The following RAB9B variants were observed in gnomAD, a reference collection of about 807,000 sequenced individuals.
The protein encoded by RAB9B is ras-related protein Rab-9B.
A neutral mutation model predicts 8.9 loss-of-function variants in RAB9B; 1 was observed. The ratio of observed to expected loss-of-function variants is 0.11; its 90% CI spans 0.04 to 0.53. The LOEUF (loss-of-function observed/expected upper bound fraction) is 0.53. Ranked by LOEUF, RAB9B falls within the 20% of genes least tolerant of loss-of-function variation. The probability of loss-of-function intolerance (pLI) is 0.93; values close to 1 mark genes in which losing one functional copy is unlikely to be tolerated. For missense variants in RAB9B, 82 were observed against 152.9 expected (o/e 0.54, Z 2.45); for synonymous variants, 63 against 57.0 (o/e 1.10, Z -0.47).
At chrX:103,785,506 G>A in the RAB9B span, 1 of 897,844 alleles carries the variant, frequency 1.1e-6, no homozygotes, top group African/African-American at 1.9e-5. Context: ...TGTGAGCACA[G>A]GGCCTGGCAG....
chrX:103,794,386 GCA>G, the RAB9B span, among the ~76,000 whole-genome samples: 5 of 111,858 alleles, frequency 4.5e-5, no homozygotes, highest in African/African-American at 6.5e-5. Context: ...CAGCATTTAT[GCA>G]CACACTGGCT....
chrX:103,804,175 A>G, the RAB9B span, among the ~76,000 whole-genome samples: 11 of 112,038 alleles, frequency 9.8e-5, no homozygotes, highest in East Asian at 3.1e-3. Flanking sequence ...ATTTTTGTTT[A>G]TACTGTGAGG....
At chrX:103,796,901 C>T in the RAB9B span, among the ~76,000 whole-genome samples, 3 of 100,095 alleles carry the variant, frequency 3.0e-5, no homozygotes, top group Admixed American at 3.3e-4. Context: ...GTACCTAGTG[C>T]CTGTAGTCCC....
the RAB9B span, chrX:103,787,731 C>G: frequency 1.0e-6 from 1 of 957,477 alleles, no homozygotes; most frequent in East Asian, 3.1e-5. Flanking sequence ...TCCAGGATCT[C>G]CCAGTTTGTG....
the RAB9B span, among the ~76,000 whole-genome samples, chrX:103,815,836 G>A: frequency 9.0e-6 from 1 of 111,595 alleles, no homozygotes; most frequent in Non-Finnish European, 1.9e-5. Context: ...ATTCACCATT[G>A]CTACAAAGAG....
the RAB9B span, among the ~76,000 whole-genome samples, chrX:103,798,194 A>G: frequency 1.8e-5 from 2 of 112,533 alleles, no homozygotes; most frequent in African/African-American, 6.5e-5. Context: ...TTGACATTAT[A>G]TTCATGTACT....
chrX:103,806,815 G>A, the RAB9B span, among the ~76,000 whole-genome samples: 1 of 103,524 alleles, frequency 9.7e-6, no homozygotes, highest in Non-Finnish European at 2.0e-5. Context: ...TTTGAAGGTT[G>A]TTCAACTTGT....
At chrX:103,806,847 T>G in the RAB9B span, among the ~76,000 whole-genome samples, 1 of 30,351 alleles carries the variant, frequency 3.3e-5, no homozygotes, top group Non-Finnish European at 5.8e-5. Flanking sequence ...GATAAAAGAA[T>G]GTACTCAGAC....
At chrX:103,793,959 G>T in the RAB9B span, among the ~76,000 whole-genome samples, 64 of 112,547 alleles carry the variant, frequency 5.7e-4, no homozygotes, top group South Asian at 3.0e-3. Context: ...GGAAGCTGCA[G>T]CTTTGTCCAG....
the RAB9B span, chrX:103,786,720 C>T: frequency 8.3e-7 from 1 of 1,210,869 alleles, no homozygotes; most frequent in Non-Finnish European, 1.1e-6. Context: ...TAGGACATCC[C>T]GACAAGGTGA....
chrX:103,798,920 G>A, the RAB9B span, among the ~76,000 whole-genome samples: 23 of 108,652 alleles, frequency 2.1e-4, no homozygotes, highest in African/African-American at 4.4e-4. Flanking sequence ...GATTACAAGC[G>A]TGAGCCACCG....
At chrX:103,778,014 A>T in the RAB9B span, among the ~76,000 whole-genome samples, 3 of 112,308 alleles carry the variant, frequency 2.7e-5, no homozygotes, top group African/African-American at 9.7e-5. Context: ...AGGTTGTTTC[A>T]TCATGAAACA....
At chrX:103,777,636 T>A in the RAB9B span, among the ~76,000 whole-genome samples, 3 of 112,070 alleles carry the variant, frequency 2.7e-5, no homozygotes, top group Non-Finnish European at 5.6e-5. Context: ...CTAGCAAATA[T>A]CACAGACACA....
chrX:103,825,133 T>C lies in RAB9B; in HGVS notation c.*46A>G, dbSNP rs1185311414. The C allele has an allele frequency of 8.5e-7, 1 of 1,173,502 alleles. No homozygotes were observed. The highest frequency in any genetic ancestry group is 1.1e-6 in the Non-Finnish European group (1 of 873,459). On this transcript the variant is annotated 3_prime_UTR_variant, in exon 3 of 3. Transcript: ENST00000243298. Reference sequence around the variant, plus strand: ...TAGAGGGGCACAGTTATTCTTACACTACTGACTGATCAATTTGGGGCACAT... The same window carrying C: ...TAGAGGGGCACAGTTATTCTTACACCACTGACTGATCAATTTGGGGCACAT...
the RAB9B span, chrX:103,786,430 A>G: frequency 8.4e-7 from 1 of 1,197,310 alleles, no homozygotes; most frequent in Middle Eastern, 2.3e-4. Flanking sequence ...AATTAATAAG[A>G]TTCCCTGGTC....
At chrX:103,815,013 G>A in the RAB9B span, among the ~76,000 whole-genome samples, 2 of 112,191 alleles carry the variant, frequency 1.8e-5, no homozygotes, top group South Asian at 3.7e-4. Flanking sequence ...GAGGTACAAA[G>A]GGGAGATGGC....
At chrX:103,788,552 T>C in the RAB9B span, 2 of 977,955 alleles carry the variant, frequency 2.0e-6, no homozygotes, top group Admixed American at 4.4e-5. Flanking sequence ...GAGTAGCTAA[T>C]ACCATACAAA....
chrX:103,801,551 T>C, the RAB9B span, among the ~76,000 whole-genome samples: 1 of 111,938 alleles, frequency 8.9e-6, no homozygotes. Context: ...AATATGACTT[T>C]GATTATGTAC....
the RAB9B span, among the ~76,000 whole-genome samples, chrX:103,802,174 A>G: frequency 2.0e-3 from 213 of 105,756 alleles, 1 homozygote; most frequent in South Asian, 0.014. Context: ...AGGGGTAGGG[A>G]TGATAGAAGA....
Sources: allele counts gnomAD v4.1 joint callset (sites outside exome capture counted in the v4.1 genomes callset), GRCh38; gene constraint gnomAD v4.1.1; transcripts MANE v1.5; gene names NCBI Gene and HGNC (gene_info 2026-07-23, HGNC 2026-07-21).